NRG1: variants seen among roughly 807,000 people sequenced by gnomAD.
The protein encoded by NRG1 is neuregulin 1.
In NRG1, 18 loss-of-function variants were observed where a neutral mutation model predicts 63.8. That is an observed-to-expected ratio of 0.28 (90% CI 0.19 to 0.42). NRG1 has a LOEUF of 0.42. Ranked by LOEUF, NRG1 falls within the 10% of genes least tolerant of loss-of-function variation. NRG1 has a pLI of 1.00. For synonymous variants in NRG1, 302 were observed against 301.3 expected, an observed-to-expected ratio of 1.00 and a Z score of -0.02; for missense variants, 762 against 814.7, an observed-to-expected ratio of 0.94 and a Z score of 0.79.
intron 1 of NRG1, among the ~76,000 whole-genome samples, chr8:32,479,442 AC>A (rs1341461538): frequency 1.3e-5 from 2 of 152,036 alleles, no homozygotes; most frequent in Non-Finnish European, 2.9e-5. Flanking sequence ...GTACCACTGC[AC>A]TCTAGCCTGG....
intron 1 of NRG1, chr8:31,639,819 C>T: frequency 8.1e-7 from 1 of 1,227,034 alleles, no homozygotes; most frequent in Non-Finnish European, 1.0e-6. Flanking sequence ...CCTCCTCCTC[C>T]CATAAACAAC....
chr8:31,649,393 C>T (rs1804622061), intron 1 of NRG1, among the ~76,000 whole-genome samples: 1 of 152,186 alleles, frequency 6.6e-6, no homozygotes, highest in Non-Finnish European at 1.5e-5. Flanking sequence ...CTATTTTCTA[C>T]TGTTTTGATA....
At chr8:32,753,926 G>A (rs535838443) in intron 7 of NRG1, among the ~76,000 whole-genome samples, 26 of 152,202 alleles carry the variant, frequency 1.7e-4, no homozygotes, top group African/African-American at 6.3e-4. Context: ...GGAGGAAGTG[G>A]GGGGCGCCCA....
intron 1 of NRG1, among the ~76,000 whole-genome samples, chr8:32,239,601 T>G (rs1847910450): frequency 6.6e-6 from 1 of 152,108 alleles, no homozygotes; most frequent in South Asian, 2.1e-4. Context: ...TAAGAGACCC[T>G]GTGTAAAGAA....
intron 1 of NRG1, among the ~76,000 whole-genome samples, chr8:32,228,110 T>C (rs745464031): frequency 2.6e-5 from 4 of 152,244 alleles, no homozygotes; most frequent in Admixed American, 2.6e-4. Context: ...AATTTATCCT[T>C]GGATTTCTCC....
intron 1 of NRG1, among the ~76,000 whole-genome samples, chr8:32,518,793 A>T (rs973415363): frequency 5.3e-5 from 8 of 152,218 alleles, no homozygotes; most frequent in African/African-American, 1.9e-4. Flanking sequence ...GAGAAATAAC[A>T]GTGGGGAAAA....
chr8:32,654,821 T>C (rs1801087186), intron 5 of NRG1, among the ~76,000 whole-genome samples: 1 of 152,124 alleles, frequency 6.6e-6, no homozygotes. Context: ...AGTGACACTG[T>C]TGAGGGAGAT....
chr8:32,537,020 C>T (rs985680201), intron 1 of NRG1, among the ~76,000 whole-genome samples: 5 of 148,042 alleles, frequency 3.4e-5, no homozygotes, highest in Non-Finnish European at 5.9e-5. Context: ...GCCTGGCCAA[C>T]ATGGTGAAAT....
intron 5 of NRG1, chr8:32,721,799 T>C (rs1024297726): frequency 2.0e-5 from 26 of 1,293,484 alleles, no homozygotes; most frequent in Non-Finnish European, 2.4e-5. Context: ...TATCATTCCC[T>C]TGGCATCTAG....
chr8:32,154,226 G>A (rs1170435740), intron 1 of NRG1, among the ~76,000 whole-genome samples: 2 of 152,146 alleles, frequency 1.3e-5, no homozygotes, highest in African/African-American at 4.8e-5. Flanking sequence ...GGCCAATGCA[G>A]TTTTGCGATC....
chr8:32,743,222 A>G (rs1239062728), intron 7 of NRG1: 4 of 985,568 alleles, frequency 4.1e-6, no homozygotes, highest in Admixed American at 6.1e-5. Context: ...ACATAATAAA[A>G]GGAGTTCAGA....
chr8:32,195,367 A>T (rs1436168308), intron 1 of NRG1, among the ~76,000 whole-genome samples: 1 of 150,932 alleles, frequency 6.6e-6, no homozygotes, highest in Non-Finnish European at 1.5e-5. Context: ...TGACCCCAGG[A>T]GGTCAAGGCT....
At chr8:31,894,740 C>T (rs1032261059) in intron 1 of NRG1, among the ~76,000 whole-genome samples, 5 of 151,932 alleles carry the variant, frequency 3.3e-5, no homozygotes, top group Non-Finnish European at 4.4e-5. Flanking sequence ...TTAGTAGAGA[C>T]GGAGTTTCAC....
upstream of NRG1, among the ~76,000 whole-genome samples, chr8:32,543,617 A>C (rs1217746956): frequency 6.6e-6 from 1 of 152,154 alleles, no homozygotes; most frequent in African/African-American, 2.4e-5. Flanking sequence ...CAGTCATGAC[A>C]CTACAATCCT....
chr8:32,190,169 A>G (rs1409800542), intron 1 of NRG1, among the ~76,000 whole-genome samples: 1 of 150,556 alleles, frequency 6.6e-6, no homozygotes, highest in Admixed American at 6.6e-5. Context: ...CCTTTTATCA[A>G]AATGTATTAT....
intron 1 of NRG1, among the ~76,000 whole-genome samples, chr8:32,470,183 CTTT>C (rs33936895): frequency 5.6e-5 from 7 of 124,676 alleles, no homozygotes; most frequent in African/African-American, 9.0e-5. Flanking sequence ...GAAAAGGACT[CTTT>C]TTTTTTTTTT....
chr8:32,035,064 C>T (rs1175487650), intron 1 of NRG1, among the ~76,000 whole-genome samples: 1 of 152,080 alleles, frequency 6.6e-6, no homozygotes, highest in Non-Finnish European at 1.5e-5. Flanking sequence ...ATTTTTCTAG[C>T]TTTTCAATGT....
At chr8:31,852,352 A>C (rs1012824129) in intron 1 of NRG1, among the ~76,000 whole-genome samples, 2 of 151,206 alleles carry the variant, frequency 1.3e-5, no homozygotes, top group Non-Finnish European at 3.0e-5. Flanking sequence ...CATTTCTCTG[A>C]TGGCCAGTGA....
chr8:32,224,998 G>A (rs545618700), intron 1 of NRG1, among the ~76,000 whole-genome samples: 3 of 152,240 alleles, frequency 2.0e-5, no homozygotes, highest in South Asian at 4.1e-4. Context: ...TTTAAAACTC[G>A]AAATGTCATA....
Sources: allele counts gnomAD v4.1 joint callset (sites outside exome capture counted in the v4.1 genomes callset), GRCh38; gene constraint gnomAD v4.1.1; transcripts MANE v1.5; gene names NCBI Gene and HGNC (gene_info 2026-07-23, HGNC 2026-07-21).